Variants in SHANK2 observed in about 807,000 individuals in gnomAD.
SHANK2 encodes the protein SH3 and multiple ankyrin repeat domains 2.
SHANK2 carries 43 observed loss-of-function variants against 133.7 expected under a neutral mutation model. The ratio of observed to expected loss-of-function variants is 0.32; its 90% CI spans 0.25 to 0.41. The LOEUF (loss-of-function observed/expected upper bound fraction) is 0.41. SHANK2 is among the 10% of genes least tolerant of loss of function. SHANK2 has a pLI of 1.00. For synonymous variants in SHANK2, 1,017 were observed against 952.8 expected (o/e 1.07, Z -1.24); for missense variants, 1,994 against 2,235.8 (o/e 0.89, Z 2.18).
At chr11:71,206,006 G>A (rs1555117928) in intron 2 of SHANK2, among the ~76,000 whole-genome samples, 1 of 152,228 alleles carries the variant, frequency 6.6e-6, no homozygotes, top group Non-Finnish European at 1.5e-5. Context: ...TCCCCATCCA[G>A]AGAGGAGCCA....
chr11:70,600,968 A>G (rs2060487270), intron 17 of SHANK2, among the ~76,000 whole-genome samples: 1 of 152,178 alleles, frequency 6.6e-6, no homozygotes, highest in Non-Finnish European at 1.5e-5. Flanking sequence ...ATTAGAAATG[A>G]CTTGTCATAA....
At chr11:71,089,048 C>T (rs1301360908) in intron 8 of SHANK2, among the ~76,000 whole-genome samples, 1 of 152,258 alleles carries the variant, frequency 6.6e-6, no homozygotes, top group Non-Finnish European at 1.5e-5. Context: ...CTGAACTTGA[C>T]CTTGACCTCA....
chr11:70,894,430 AC>A (rs1949901620), intron 11 of SHANK2, among the ~76,000 whole-genome samples: 2 of 152,012 alleles, frequency 1.3e-5, no homozygotes, highest in Admixed American at 1.3e-4. Context: ...CAGATGATCC[AC>A]CCACCTTGGC....
chr11:71,153,272 T>C (rs1327075096), intron 2 of SHANK2, among the ~76,000 whole-genome samples: 3 of 121,440 alleles, frequency 2.5e-5, no homozygotes, highest in Non-Finnish European at 3.2e-5. Flanking sequence ...GTTTTCTGTG[T>C]AACTAATCTC....
intron 17 of SHANK2, among the ~76,000 whole-genome samples, chr11:70,545,300 C>G (rs934008940): frequency 6.6e-6 from 1 of 152,246 alleles, no homozygotes; most frequent in Admixed American, 6.5e-5. Flanking sequence ...CAGCTCCCAG[C>G]TCCTGCCTGT....
At chr11:70,746,045 G>T (rs1367523443) in intron 14 of SHANK2, among the ~76,000 whole-genome samples, 1 of 152,232 alleles carries the variant, frequency 6.6e-6, no homozygotes, top group Non-Finnish European at 1.5e-5. Context: ...TTTCATGGGA[G>T]TTACTGAAGG....
intron 11 of SHANK2, among the ~76,000 whole-genome samples, chr11:70,822,360 G>A (rs565663328): frequency 2.6e-5 from 4 of 152,368 alleles, no homozygotes; most frequent in East Asian, 3.9e-4. Context: ...GGAGAAGAAC[G>A]TCACAAGTAG....
intron 14 of SHANK2, 90 bp downstream of exon 14, chr11:70,798,353 A>G (rs1214223602): frequency 4.3e-6 from 3 of 697,474 alleles, no homozygotes; most frequent in Admixed American, 2.0e-5. Flanking sequence ...CTACGACGCA[A>G]CGGCCGAATC....
intron 10 of SHANK2, among the ~76,000 whole-genome samples, chr11:70,953,452 G>C (rs897784682): frequency 6.6e-6 from 1 of 152,104 alleles, no homozygotes; most frequent in Non-Finnish European, 1.5e-5. Context: ...GAAGCTGACA[G>C]TGCAGCCTTC....
chr11:71,074,608 C>T (rs999827175), intron 9 of SHANK2, among the ~76,000 whole-genome samples: 1 of 152,160 alleles, frequency 6.6e-6, no homozygotes, highest in Non-Finnish European at 1.5e-5. Flanking sequence ...CTGATAAGAA[C>T]AGACAATGCG....
At chr11:70,580,288 T>C (rs1591606197) in intron 17 of SHANK2, among the ~76,000 whole-genome samples, 2 of 152,014 alleles carry the variant, frequency 1.3e-5, no homozygotes, top group Admixed American at 1.3e-4. Context: ...ACTGGCTACA[T>C]TTTGCAACTG....
At chr11:71,084,405 G>A (rs888278241) in intron 8 of SHANK2, among the ~76,000 whole-genome samples, 6,623 of 152,226 alleles carry the variant, frequency 0.044, 361 homozygotes, top group African/African-American at 0.12. Flanking sequence ...CTTAGGCCAT[G>A]TGCACCTGGC....
intron 14 of SHANK2, among the ~76,000 whole-genome samples, chr11:70,732,507 T>C (rs1047436072): frequency 6.6e-6 from 1 of 152,048 alleles, no homozygotes; most frequent in Admixed American, 6.6e-5. Flanking sequence ...GGCCCAGGAT[T>C]TTTTTCTGTG....
At chr11:70,780,783 A>C (rs1424282843) in intron 14 of SHANK2, among the ~76,000 whole-genome samples, 2 of 152,100 alleles carry the variant, frequency 1.3e-5, no homozygotes, top group African/African-American at 2.4e-5. Flanking sequence ...CATGTTGGTC[A>C]CGCTGGTCTC....
chr11:70,553,256 A>G, intron 17 of SHANK2, among the ~76,000 whole-genome samples: 1 of 151,716 alleles, frequency 6.6e-6, no homozygotes, highest in South Asian at 2.1e-4. Context: ...CGCCAGGCTA[A>G]TTTTTTTTGT....
At chr11:70,725,157 T>C (rs1471367818) in intron 14 of SHANK2, among the ~76,000 whole-genome samples, 1 of 152,138 alleles carries the variant, frequency 6.6e-6, no homozygotes, top group Non-Finnish European at 1.5e-5. Context: ...GTAAATAACA[T>C]GGGCAAAAAT....
intron 14 of SHANK2, among the ~76,000 whole-genome samples, chr11:70,704,707 G>T (rs532422662): frequency 2.0e-5 from 3 of 152,360 alleles, no homozygotes; most frequent in African/African-American, 7.2e-5. Context: ...GCTCATGGCG[G>T]AAGACAGAAC....
At chr11:71,171,766 G>A (rs917257733) in intron 2 of SHANK2, among the ~76,000 whole-genome samples, 12 of 152,172 alleles carry the variant, frequency 7.9e-5, no homozygotes, top group East Asian at 1.9e-4. Context: ...TAGTCCAGTC[G>A]AAAGGACACC....
chr11:70,679,986 C>CGA (rs1944991933), intron 15 of SHANK2, among the ~76,000 whole-genome samples: 1 of 152,160 alleles, frequency 6.6e-6, no homozygotes, highest in Non-Finnish European at 1.5e-5. Context: ...CCACGGAGGC[C>CGA]GACGGGTGGG....
Sources: gnomAD v4.1 joint callset for allele counts (sites outside exome capture counted in the v4.1 genomes callset) on GRCh38, gnomAD v4.1.1 for gene constraint, MANE v1.5 for transcripts, NCBI Gene and HGNC (gene_info 2026-07-23, HGNC 2026-07-21) for gene names.